Variants in ADAMTS6 observed in about 807,000 individuals in gnomAD.
ADAMTS6 encodes ADAM metallopeptidase with thrombospondin type 1 motif 6.
In ADAMTS6, 23 loss-of-function variants were observed where a neutral mutation model predicts 144.3. That is an observed-to-expected ratio of 0.16 (90% CI 0.11 to 0.23). The LOEUF (loss-of-function observed/expected upper bound fraction) is 0.23. Among genes scored for constraint, ADAMTS6 ranks in the 10% least tolerant of loss-of-function variants. The pLI, the probability that ADAMTS6 is intolerant of heterozygous loss-of-function variation, is 1.00. For synonymous variants in ADAMTS6, 444 were observed against 457.5 expected, an observed-to-expected ratio of 0.97 and a Z score of 0.38; for missense variants, 999 against 1,379.6, an observed-to-expected ratio of 0.72 and a Z score of 4.37.
At chr5:65,471,689 T>C (rs1301643892) in intron 2 of ADAMTS6, among the ~76,000 whole-genome samples, 2 of 151,160 alleles carry the variant, frequency 1.3e-5, no homozygotes, top group African/African-American at 4.9e-5. Flanking sequence ...ACCTGGGAGG[T>C]GGTGGTTGCA....
intron 7 of ADAMTS6, among the ~76,000 whole-genome samples, chr5:65,371,112 C>T (rs1750854365): frequency 6.6e-6 from 1 of 152,176 alleles, no homozygotes; most frequent in South Asian, 2.1e-4. Context: ...CACCAAAAAC[C>T]AATCTGTACA....
At chr5:65,412,696 T>G (rs1017508493) in intron 7 of ADAMTS6, among the ~76,000 whole-genome samples, 12 of 152,162 alleles carry the variant, frequency 7.9e-5, no homozygotes, top group African/African-American at 2.9e-4. Flanking sequence ...ATTAGAAAAC[T>G]TTGGTCAAAA....
Position 65,341,820 on chromosome 5 carries a change from G to T in ADAMTS6, c.1074-7735C>A, listed in dbSNP as rs529947612. 1.2e-4 allele frequency among the ~76,000 whole-genome samples: 18 copies of T among 152,266 alleles called. No individual in the cohort carries two copies. In the South Asian group the frequency reaches 3.7e-3, roughly 32 times the overall value. On this transcript the variant is annotated intron_variant, in intron 7 of 24. Coordinates refer to ENST00000381055, the MANE Select transcript of ADAMTS6 (RefSeq NM_197941.4). Reference sequence around the variant, plus strand: ...CTACTCCAAAAAAGTGAAGCAGAGAGAAATCTTTCCTAACTCATTCTATGA... The same window carrying T: ...CTACTCCAAAAAAGTGAAGCAGAGATAAATCTTTCCTAACTCATTCTATGA...
intron 7 of ADAMTS6, among the ~76,000 whole-genome samples, chr5:65,413,522 A>C (rs1431709484): frequency 6.6e-6 from 1 of 152,136 alleles, no homozygotes; most frequent in Non-Finnish European, 1.5e-5. Context: ...AATATTATTA[A>C]TCACTCCCAA....
In ADAMTS6 at chr5:65,269,075, C is replaced by G. The variant is rs78062558; in HGVS notation, c.1620+4265G>C. ...GAATATTTCATCCATTTCTCGGAGA[C>G]ACACAAACTCATGCTTATACTCTCT... On this transcript the variant is annotated intron_variant, in intron 12 of 24. Transcript: ENST00000381055. 3.4e-3 allele frequency among the ~76,000 whole-genome samples: 512 copies of G among 152,268 alleles called. 2 individuals carry two copies. The highest frequency in any genetic ancestry group is 0.012 in the African/African-American group (501 of 41,558).
chr5:65,452,876 G>A lies in ADAMTS6; in HGVS notation c.674C>T (p.Ser225Phe). The change falls in exon 5 of 25, where the codon TCC becomes TTC. Residue 225 changes from serine to phenylalanine, a missense_variant. This residue lies in a region of ADAMTS6 where 252 missense variants were observed against 293.7 expected (regional missense o/e 0.86). Coordinates refer to ENST00000381055, the MANE Select transcript of ADAMTS6 (RefSeq NM_197941.4). ...AATTGGTAGTGAATAAGAAACAGTG[G>A]ATGTGTCATTCAGCCACCAAGGTTT... ...SGKPWWLNDT[S>F]TVSYSLPINN... The A allele has an allele frequency of 2.5e-6, 4 of 1,613,816 alleles. No individual in the cohort carries two copies. Among genetic ancestry groups the A allele is most frequent in the Non-Finnish European group, 3.4e-6 (4 of 1,179,856 alleles).
intron 21 of ADAMTS6, among the ~76,000 whole-genome samples, chr5:65,189,781 C>T (rs556264574): frequency 1.3e-5 from 2 of 152,230 alleles, no homozygotes; most frequent in African/African-American, 4.8e-5. Context: ...GACTGGATTC[C>T]CCATTGATTG....
chr5:65,265,417 C>G (rs1051888196), intron 12 of ADAMTS6, among the ~76,000 whole-genome samples: 1 of 152,006 alleles, frequency 6.6e-6, no homozygotes, highest in Non-Finnish European at 1.5e-5. Flanking sequence ...TTAATTGCAT[C>G]AGATCTGCAC....
At chr5:65,360,985 T>G (rs1358950721) in intron 7 of ADAMTS6, among the ~76,000 whole-genome samples, 1 of 152,192 alleles carries the variant, frequency 6.6e-6, no homozygotes, top group Non-Finnish European at 1.5e-5. Flanking sequence ...ACGTCAGGTC[T>G]CCTAAGAACT....
intron 7 of ADAMTS6, among the ~76,000 whole-genome samples, chr5:65,369,056 C>CA (rs1208186487): frequency 6.6e-6 from 1 of 151,674 alleles, no homozygotes; most frequent in Non-Finnish European, 1.5e-5. Context: ...ACTGTCTCTA[C>CA]AAAAAATTTA....
At chr5:65,423,440 G>A (rs767396753) in intron 7 of ADAMTS6, among the ~76,000 whole-genome samples, 1 of 152,050 alleles carries the variant, frequency 6.6e-6, no homozygotes, top group Non-Finnish European at 1.5e-5. Flanking sequence ...ATAGTAATAA[G>A]GTAACAAAAT....
At chr5:65,388,791 G>C (rs1752675872) in intron 7 of ADAMTS6, among the ~76,000 whole-genome samples, 1 of 152,114 alleles carries the variant, frequency 6.6e-6, no homozygotes, top group Admixed American at 6.5e-5. Flanking sequence ...TGTGTTCTGG[G>C]TGGCACTGTC....
At chr5:65,191,377 AATC>A (rs1430625833) in intron 21 of ADAMTS6, among the ~76,000 whole-genome samples, 1 of 152,178 alleles carries the variant, frequency 6.6e-6, no homozygotes, top group Non-Finnish European at 1.5e-5. Flanking sequence ...TTGAAGAAAT[AATC>A]ATCATAAAAC....
At chr5:65,267,544 C>T (rs1240602407) in intron 12 of ADAMTS6, among the ~76,000 whole-genome samples, 2 of 152,056 alleles carry the variant, frequency 1.3e-5, no homozygotes, top group African/African-American at 4.8e-5. Flanking sequence ...TCTTTAGAAA[C>T]ACTACTTATT....
rs377692826 is a variant in ADAMTS6, at chr5:65,244,373, G to A, written c.1831-2167C>T. ...AACTAAGACATCATGAAGGCCGTTC[G>A]CTTAAAGGCAAACGAAACAAAAATG... On this transcript the variant is annotated intron_variant, in intron 14 of 24. Transcript: ENST00000381055. Among the ~76,000 whole-genome samples the A allele has an allele frequency of 1.4e-4, 21 of 152,202 alleles. No homozygotes were observed. In the East Asian group the frequency reaches 3.3e-3, roughly 24 times the overall value.
Position 65,345,739 on chromosome 5 carries a change from T to G in ADAMTS6, c.1074-11654A>C, listed in dbSNP as rs141022653. Among the ~76,000 whole-genome samples the G allele has an allele frequency of 9.1e-3, 1,383 of 152,002 alleles. 23 individuals are homozygous for G. Among genetic ancestry groups the G allele is most frequent in the African/African-American group, 0.031 (1,305 of 41,558 alleles). ...TTGAAGTCACTTTTGAGTCTTCCCT[T>G]TCCTTTCTTCTTTCATACGAATGAA... On this transcript the variant is annotated intron_variant, in intron 7 of 24. Coordinates refer to ENST00000381055, the MANE Select transcript of ADAMTS6 (RefSeq NM_197941.4).
chr5:65,391,910 AT>A (rs1752954453), intron 7 of ADAMTS6, among the ~76,000 whole-genome samples: 1 of 151,876 alleles, frequency 6.6e-6, no homozygotes, highest in South Asian at 2.1e-4. Flanking sequence ...TAATTTTTGT[AT>A]TTTTAGCAGC....
At chr5:65,351,705 C>G (rs1193052973) in intron 7 of ADAMTS6, among the ~76,000 whole-genome samples, 3 of 152,018 alleles carry the variant, frequency 2.0e-5, no homozygotes, top group Admixed American at 6.6e-5. Flanking sequence ...TGGCTTGAGG[C>G]CAGGAATTTG....
intron 7 of ADAMTS6, among the ~76,000 whole-genome samples, chr5:65,335,472 T>C (rs941118113): frequency 6.6e-6 from 1 of 152,194 alleles, no homozygotes; most frequent in African/African-American, 2.4e-5. Context: ...TATTGTTACA[T>C]AGCCACAACC....
Sources: allele counts gnomAD v4.1 joint callset (sites outside exome capture counted in the v4.1 genomes callset), GRCh38; gene constraint gnomAD v4.1.1; regional missense constraint gnomAD v4.1.1; transcripts MANE v1.5; gene names NCBI Gene and HGNC (gene_info 2026-07-23, HGNC 2026-07-21).